The following LRRC75A variants were observed in gnomAD, a reference collection of about 807,000 sequenced individuals.
LRRC75A encodes the protein leucine rich repeat containing 75A, also known as leucine-rich repeat-containing protein 75A.
In LRRC75A, 12 loss-of-function variants were observed where a neutral mutation model predicts 26.0. The observed-to-expected ratio is 0.46, with a 90% CI of 0.30 to 0.75. The LOEUF is 0.75. Among genes scored for constraint, LRRC75A ranks in the 30% least tolerant of loss-of-function variants. The pLI is 0.08. For missense variants in LRRC75A, 410 were observed against 486.6 expected (o/e 0.84, Z 1.48); for synonymous variants, 223 against 219.3 (o/e 1.02, Z -0.15).
chr17:16,458,550 C>T (rs1414117519), intron 2 of LRRC75A, among the ~76,000 whole-genome samples: 2 of 151,840 alleles, frequency 1.3e-5, no homozygotes, highest in African/African-American at 2.4e-5. Flanking sequence ...ACGGCAACCT[C>T]CGCCTGCCGG....
At chr17:16,488,800 C>T (rs750423769) in intron 1 of LRRC75A, among the ~76,000 whole-genome samples, 5 of 152,206 alleles carry the variant, frequency 3.3e-5, no homozygotes, top group African/African-American at 9.7e-5. Context: ...CTCCTGATAC[C>T]TCTCCAGCAA....
At chr17:16,454,242 A>C (rs2093658070) in intron 2 of LRRC75A, among the ~76,000 whole-genome samples, 1 of 151,774 alleles carries the variant, frequency 6.6e-6, no homozygotes, top group Non-Finnish European at 1.5e-5. Context: ...AATACAAAAA[A>C]TTAGCTAGGC....
chr17:16,480,243 A>T (rs972288875), intron 1 of LRRC75A, among the ~76,000 whole-genome samples: 2 of 152,204 alleles, frequency 1.3e-5, no homozygotes, highest in Non-Finnish European at 2.9e-5. Flanking sequence ...GTACACAATA[A>T]GTGTAATGTG....
intron 1 of LRRC75A, among the ~76,000 whole-genome samples, chr17:16,489,526 T>G (rs75992851): frequency 0.06 from 9,206 of 152,246 alleles, 287 homozygotes; most frequent in Non-Finnish European, 0.07. Context: ...AGAAGGAAAC[T>G]GGAATGGAAA....
Position 16,491,778 on chromosome 17 carries a change from C to G in LRRC75A, c.213G>C (p.Glu71Asp). Reference protein sequence around the residue: ...LLRMVRQGRREEAGTLLQHLR... With the variant: ...LLRMVRQGRRDEAGTLLQHLR... ...GGTGCTGCAGCAGCGTCCCCGCCTC[C>G]TCCCGCCGGCCCTGGCGCACCATCC... Residue 71 changes from glutamate to aspartate, a missense_variant, in exon 1 of 4, where the codon GAG becomes GAC. By Grantham distance (45) the Glu-to-Asp change is conservative (BLOSUM62 2). Coordinates refer to ENST00000470794, the MANE Select transcript of LRRC75A (RefSeq NM_001113567.3). This position sits in a 1 kb window ranked among gnomAD's most constrained non-coding sequence, Gnocchi z 5.9. 2 of 1,432,490 alleles carry G rather than the reference C, an allele frequency of 1.4e-6. No individual in the cohort carries two copies. Among genetic ancestry groups the G allele is most frequent in the Non-Finnish European group, 1.8e-6 (2 of 1,093,812 alleles). 88.7% of individuals were successfully genotyped at this position (1,432,490 alleles called of 1,614,324 possible). A position where few individuals can be genotyped will look rare whatever the true frequency, so the allele number is the denominator to read the frequency against.
At position 16,443,222 on chromosome 17, in the gene LRRC75A, T is replaced by C. The variant is rs1039716349; in HGVS notation, c.*366A>G. On this transcript the variant is annotated 3_prime_UTR_variant, in exon 4 of 4. Transcript: ENST00000470794. ...AGTACATGTAGGGGCCCTACTGTAT[T>C]CTTTTTCTGGGGGAAAGCTCTTGGT... 8.3e-6 allele frequency: 2 copies of C among 239,618 alleles called. No homozygotes were observed. Among genetic ancestry groups the C allele is most frequent in the African/African-American group, 2.2e-5 (1 of 44,660 alleles). 14.8% of individuals were successfully genotyped at this position (239,618 alleles called of 1,614,324 possible).
chr17:16,453,114 C>A (rs1046114580), intron 2 of LRRC75A, among the ~76,000 whole-genome samples: 4 of 152,056 alleles, frequency 2.6e-5, no homozygotes, highest in Non-Finnish European at 5.9e-5. Context: ...TATGGTGAAA[C>A]CCCATCTCTA....
chr17:16,480,936 G>C (rs763928171), intron 1 of LRRC75A, among the ~76,000 whole-genome samples: 23 of 152,230 alleles, frequency 1.5e-4, no homozygotes, highest in Non-Finnish European at 2.8e-4. Flanking sequence ...CAGGGTCTTG[G>C]GAATTGGGGA....
At chr17:16,479,683 G>C (rs915298540) in intron 1 of LRRC75A, among the ~76,000 whole-genome samples, 1 of 152,236 alleles carries the variant, frequency 6.6e-6, no homozygotes, top group African/African-American at 2.4e-5. Context: ...TGGGCTGCCA[G>C]CAGCAGAGCT....
Position 16,443,880 on chromosome 17 carries a change from C to T in LRRC75A, c.743G>A (p.Arg248His). Residue 248 changes from arginine to histidine, a missense_variant, in exon 4 of 4, where the codon CGC becomes CAC. Transcript: ENST00000470794. The stretch of plus-strand genomic sequence containing the variant: ...ATCCTTAAGGATGTCAGTGAGGTCG[C>T]GCAGCACGGCCCGGGTCAACCGGTT... Reference protein sequence around the residue: ...NGNRLTRAVLRDLTDILKDPS... With the variant: ...NGNRLTRAVLHDLTDILKDPS... 4 of 1,613,484 alleles carry T rather than the reference C, an allele frequency of 2.5e-6. No homozygotes were observed. Among genetic ancestry groups the T allele is most frequent in the South Asian group, 1.1e-5 (1 of 91,072 alleles).
chr17:16,463,600 C>G (rs1270335282), intron 1 of LRRC75A: 2 of 152,084 alleles, frequency 1.3e-5, no homozygotes, highest in Non-Finnish European at 2.9e-5. Context: ...TGGCTGGGGT[C>G]CAGTGCCCTG....
chr17:16,465,765 C>A (rs1471462867), intron 1 of LRRC75A, among the ~76,000 whole-genome samples: 1 of 152,224 alleles, frequency 6.6e-6, no homozygotes, highest in Non-Finnish European at 1.5e-5. Flanking sequence ...CCCGCGCCAT[C>A]CCCCTGGTTG....
chr17:16,476,358 ACT>A (rs1436825660), intron 1 of LRRC75A, among the ~76,000 whole-genome samples: 4 of 151,034 alleles, frequency 2.6e-5, no homozygotes, highest in African/African-American at 4.9e-5. Flanking sequence ...ATGGAGTGAG[ACT>A]CTGTCTCAAA....
Position 16,462,165 on chromosome 17 carries a change from T to C in LRRC75A, c.375+93A>G. 1.4e-6 allele frequency: 2 copies of C among 1,396,216 alleles called. No homozygotes were observed. Among genetic ancestry groups the C allele is most frequent in the South Asian group, 1.3e-5 (1 of 75,974 alleles). 86.5% of individuals were successfully genotyped at this position (1,396,216 alleles called of 1,614,324 possible). A position where few individuals can be genotyped will look rare whatever the true frequency, so the allele number is the denominator to read the frequency against. On this transcript the variant is annotated intron_variant, in intron 2 of 3. Coordinates refer to ENST00000470794, the MANE Select transcript of LRRC75A (RefSeq NM_001113567.3). This position sits in a 1 kb window ranked among gnomAD's most constrained non-coding sequence, Gnocchi z 4.6. ...CGGGCTTGTCCTCCTTGGGCCTGTC[T>C]GCCAGTCCTCCTTGGGCATACAGCT... is the stretch of plus-strand genomic sequence containing the variant.
At chr17:16,476,975 T>C (rs2093822268) in intron 1 of LRRC75A, among the ~76,000 whole-genome samples, 1 of 151,026 alleles carries the variant, frequency 6.6e-6, no homozygotes, top group African/African-American at 2.4e-5. Flanking sequence ...CCTGACCTTG[T>C]GATCCGCCCG....
At chr17:16,476,115 A>G (rs2093819132) in intron 1 of LRRC75A, among the ~76,000 whole-genome samples, 1 of 152,188 alleles carries the variant, frequency 6.6e-6, no homozygotes, top group Non-Finnish European at 1.5e-5. Flanking sequence ...GAATGGCATG[A>G]ATCCGGGAGG....
chr17:16,478,178 CTTCTTTTTTT>C (rs902072530), intron 1 of LRRC75A, among the ~76,000 whole-genome samples: 4 of 150,616 alleles, frequency 2.7e-5, no homozygotes, highest in Admixed American at 6.6e-5. Context: ...TGCCCATTTT[CTTCTTTTTTT>C]TTCTTTTTTT....
intron 1 of LRRC75A, among the ~76,000 whole-genome samples, chr17:16,488,005 GA>G (rs1327594438): frequency 6.6e-6 from 1 of 152,234 alleles, no homozygotes; most frequent in Non-Finnish European, 1.5e-5. Flanking sequence ...GTATCCCAGG[GA>G]AACAGACGCC....
At chr17:16,473,521 G>T (rs1035879080) in intron 1 of LRRC75A, among the ~76,000 whole-genome samples, 5 of 152,130 alleles carry the variant, frequency 3.3e-5, no homozygotes, top group Non-Finnish European at 7.4e-5. Context: ...CTGTGAGTTT[G>T]GTACCCAAGG....
Sources: allele counts gnomAD v4.1 joint callset (sites outside exome capture counted in the v4.1 genomes callset), GRCh38; gene constraint gnomAD v4.1.1; non-coding constraint Gnocchi (gnomAD v3.1); transcripts MANE v1.5; gene names NCBI Gene and HGNC (gene_info 2026-07-23, HGNC 2026-07-21).